STK33: variants seen among roughly 807,000 people sequenced by gnomAD.
STK33 encodes the protein serine/threonine kinase 33, also known as serine/threonine-protein kinase 33.
Under a neutral mutation model 58.0 loss-of-function variants are expected in STK33, and 52 were observed. The ratio of observed to expected loss-of-function variants is 0.90; its 90% CI spans 0.72 to 1.13. The LOEUF is 1.13. Ranked by LOEUF, STK33 falls within the 50% of genes most tolerant of loss-of-function variation. The pLI is 0.00. For missense variants in STK33, 630 were observed against 604.2 expected (o/e 1.04, Z -0.45); for synonymous variants, 215 against 200.1 (o/e 1.07, Z -0.63).
At chr11:8,429,492 C>A (rs1226610422) in intron 14 of STK33, among the ~76,000 whole-genome samples, 1 of 152,164 alleles carries the variant, frequency 6.6e-6, no homozygotes, top group Non-Finnish European at 1.5e-5. Flanking sequence ...CCTCACACTT[C>A]TACTTAGTTA....
intron 1 of STK33, chr11:8,554,893 T>TAC (rs1407483498): frequency 6.6e-6 from 1 of 152,142 alleles, no homozygotes; most frequent in Non-Finnish European, 1.5e-5. Flanking sequence ...AAAAATGTGA[T>TAC]ATATATACAC....
At chr11:8,582,740 T>A (rs1301515224) in intron 1 of STK33, among the ~76,000 whole-genome samples, 1 of 152,226 alleles carries the variant, frequency 6.6e-6, no homozygotes, top group African/African-American at 2.4e-5. Flanking sequence ...ATGGTATATA[T>A]CCTCTTAATT....
intron 1 of STK33, among the ~76,000 whole-genome samples, chr11:8,526,756 C>A (rs1954061479): frequency 6.7e-6 from 1 of 149,010 alleles, no homozygotes; most frequent in African/African-American, 2.5e-5. Context: ...ACACTAAAAA[C>A]ACACACACAC....
At chr11:8,414,137 G>A (rs890634547) in intron 14 of STK33, among the ~76,000 whole-genome samples, 2 of 152,040 alleles carry the variant, frequency 1.3e-5, no homozygotes, top group African/African-American at 4.8e-5. Flanking sequence ...TCTAAATTCA[G>A]TCAATTAGTC....
the STK33 span, among the ~76,000 whole-genome samples, chr11:8,363,691 C>T: frequency 2.0e-5 from 3 of 152,206 alleles, no homozygotes; most frequent in Non-Finnish European, 4.4e-5. Flanking sequence ...TGAAATCACA[C>T]GGGGAGATCC....
the STK33 span, among the ~76,000 whole-genome samples, chr11:8,376,410 ACG>A: frequency 6.6e-6 from 1 of 152,202 alleles, no homozygotes; most frequent in Non-Finnish European, 1.5e-5. Context: ...GAGAAGGCAG[ACG>A]GCTTAAGACA....
At chr11:8,471,794 G>A (rs920451078) in intron 6 of STK33, among the ~76,000 whole-genome samples, 5 of 152,000 alleles carry the variant, frequency 3.3e-5, no homozygotes, top group African/African-American at 1.2e-4. Flanking sequence ...TAGAAAAAGT[G>A]AAGTTAATAA....
chr11:8,444,049 C>G (rs1239185944), intron 11 of STK33, among the ~76,000 whole-genome samples: 1 of 151,864 alleles, frequency 6.6e-6, no homozygotes, highest in Non-Finnish European at 1.5e-5. Context: ...AAATAAAGAA[C>G]AAAGAAGGAA....
intron 15 of STK33, among the ~76,000 whole-genome samples, chr11:8,400,001 C>T: frequency 6.6e-6 from 1 of 152,074 alleles, no homozygotes; most frequent in Non-Finnish European, 1.5e-5. Context: ...AAAAAAAGTC[C>T]AGGACCAGAT....
chr11:8,451,123 T>C (rs745600883), intron 11 of STK33, among the ~76,000 whole-genome samples: 6 of 152,158 alleles, frequency 3.9e-5, no homozygotes, highest in African/African-American at 4.8e-5. Flanking sequence ...CCCTCACAAA[T>C]TGCTGGTGGG....
chr11:8,443,556 T>C (rs1228384480), intron 11 of STK33, among the ~76,000 whole-genome samples: 1 of 151,100 alleles, frequency 6.6e-6, no homozygotes, highest in African/African-American at 2.4e-5. Context: ...AAATTAAAAT[T>C]AAAGTATATC....
chr11:8,550,788 T>C (rs1181121317), intron 1 of STK33, among the ~76,000 whole-genome samples: 1 of 152,172 alleles, frequency 6.6e-6, no homozygotes, highest in African/African-American at 2.4e-5. Flanking sequence ...TTGGGCAAAA[T>C]TTCTCTAGGA....
the STK33 span, among the ~76,000 whole-genome samples, chr11:8,364,052 C>G: frequency 1.3e-5 from 2 of 152,140 alleles, no homozygotes; most frequent in African/African-American, 4.8e-5. Flanking sequence ...TTCAATGTTG[C>G]GAAATATCTC....
At chr11:8,385,223 T>G in the STK33 span, among the ~76,000 whole-genome samples, 5 of 151,968 alleles carry the variant, frequency 3.3e-5, no homozygotes, top group African/African-American at 1.2e-4. Flanking sequence ...ATCTCCCTGG[T>G]TCCACTTTTG....
At chr11:8,354,472 C>CCACACACACACACACACACACACACACA in the STK33 span, among the ~76,000 whole-genome samples, 5 of 56,062 alleles carry the variant, frequency 8.9e-5, no homozygotes, top group South Asian at 7.6e-4. Context: ...GTCTGCAAAA[C>CCACACACACACACACACACACACACACA]CTCACACACA....
chr11:8,463,069 C>T (rs1947763083), intron 7 of STK33, among the ~76,000 whole-genome samples: 1 of 152,130 alleles, frequency 6.6e-6, no homozygotes, highest in Admixed American at 6.5e-5. Context: ...CTTCCAATTA[C>T]CTTTGCTCCT....
chr11:8,452,163 A>G (rs1194876385), intron 11 of STK33, among the ~76,000 whole-genome samples: 2 of 152,168 alleles, frequency 1.3e-5, no homozygotes, highest in Non-Finnish European at 2.9e-5. Context: ...AGACTGCGCC[A>G]CTGCACTCCA....
intron 1 of STK33, among the ~76,000 whole-genome samples, chr11:8,524,297 C>G (rs1472898935): frequency 6.6e-6 from 1 of 151,776 alleles, no homozygotes; most frequent in Non-Finnish European, 1.5e-5. Flanking sequence ...CCGAGAAACA[C>G]CCAAGAACGA....
chr11:8,403,422 T>C (rs1036744997), intron 15 of STK33, among the ~76,000 whole-genome samples: 2 of 152,176 alleles, frequency 1.3e-5, no homozygotes, highest in African/African-American at 4.8e-5. Flanking sequence ...AGCTCTTCAA[T>C]CTAAAAGGTA....
Sources: gnomAD v4.1 joint callset for allele counts (sites outside exome capture counted in the v4.1 genomes callset) on GRCh38, gnomAD v4.1.1 for gene constraint, MANE v1.5 for transcripts, NCBI Gene and HGNC (gene_info 2026-07-23, HGNC 2026-07-21) for gene names.